COMMD8: variants seen among roughly 807,000 people sequenced by gnomAD.
COMMD8 encodes COMM domain containing 8, also known as COMM domain-containing protein 8.
A neutral mutation model predicts 27.2 loss-of-function variants in COMMD8; 28 were observed. The observed-to-expected ratio is 1.03, with a 90% CI of 0.76 to 1.41. The LOEUF (loss-of-function observed/expected upper bound fraction) is 1.41, where lower values mean the gene tolerates loss of function less well. Ranked by LOEUF, COMMD8 falls within the 40% of genes most tolerant of loss-of-function variation. The pLI is 0.00. For missense variants in COMMD8, 217 were observed against 211.2 expected (o/e 1.03, Z -0.17); for synonymous variants, 79 against 75.5 (o/e 1.05, Z -0.24).
At chr4:47,452,963 CT>C in intron 4 of COMMD8, 95 bp downstream of exon 4, 2 of 1,135,322 alleles carry the variant, frequency 1.8e-6, no homozygotes, top group Non-Finnish European at 2.5e-6. Context: ...GCCGTTGCCC[CT>C]CCAGCCTGGG....
At chr4:47,462,981 C>T (rs1378467864) in intron 1 of COMMD8, among the ~76,000 whole-genome samples, 1 of 152,218 alleles carries the variant, frequency 6.6e-6, no homozygotes, top group Non-Finnish European at 1.5e-5. Context: ...CCATTTACCT[C>T]ATCCCATCGG....
At chr4:47,452,557 C>CTAAG (rs113473245) in intron 4 of COMMD8, among the ~76,000 whole-genome samples, 50,219 of 151,826 alleles carry the variant, frequency 0.33, 8,847 homozygotes, top group African/African-American at 0.47. Context: ...ATGTTCAAAA[C>CTAAG]TAATTGAACA....
chr4:47,458,306 G>A (rs773683885), intron 2 of COMMD8, among the ~76,000 whole-genome samples: 20 of 152,102 alleles, frequency 1.3e-4, no homozygotes, highest in Non-Finnish European at 2.5e-4. Context: ...AGATGTTAAA[G>A]TTGAAAAAGA....
At position 47,455,074 on chromosome 4, in the gene COMMD8, G is replaced by A. The variant is rs376706347; in HGVS notation, c.375+1503C>T. ...TGCCCAGGCTGGAGTGAAGTGGCACGATGATCTTGGTTCACTGCAAGCTCC... is the reference window on the plus strand; with the variant it reads ...TGCCCAGGCTGGAGTGAAGTGGCACAATGATCTTGGTTCACTGCAAGCTCC... On this transcript the variant is annotated intron_variant, in intron 3 of 4. Coordinates refer to ENST00000381571, the MANE Select transcript of COMMD8 (RefSeq NM_017845.5). 1.9e-4 allele frequency among the ~76,000 whole-genome samples: 29 copies of A among 151,880 alleles called. No homozygotes were observed. The East Asian group carries it at 5.1e-3, about 27-fold the overall frequency.
At chr4:47,455,476 C>T (rs565006557) in intron 3 of COMMD8, among the ~76,000 whole-genome samples, 40 of 152,070 alleles carry the variant, frequency 2.6e-4, no homozygotes, top group Admixed American at 7.9e-4. Flanking sequence ...TAATTTTGAA[C>T]TTTGTGTCAC....
chr4:47,453,155 T>C lies in COMMD8; in HGVS notation c.435A>G (p.Leu145=), dbSNP rs754522307. The change falls in exon 4 of 5, where the codon CTA becomes CTG. Residue 145 remains leucine, a synonymous_variant. Transcript: ENST00000381571. ...TTACTTCACCATTTTCTTTTACATCTAGATGCAGGCTTAAAAGTGGCATTC... is the reference window on the plus strand; with the variant it reads ...TTACTTCACCATTTTCTTTTACATCCAGATGCAGGCTTAAAAGTGGCATTC... ...ALRMPLLSLH[L]DVKENGEVKP... 6.2e-6 allele frequency: 10 copies of C among 1,613,876 alleles called. No homozygotes were observed. Among genetic ancestry groups the C allele is most frequent in the Non-Finnish European group, 7.6e-6 (9 of 1,179,888 alleles).
chr4:47,453,235 A>G (rs971108540), intron 3 of COMMD8, 21 bp from the exon 4 acceptor site: 5 of 1,602,932 alleles, frequency 3.1e-6, no homozygotes, highest in African/African-American at 2.7e-5. Context: ...TCAGAAAAAT[A>G]GCAATTAATA....
chr4:47,454,664 T>C (rs964596435), intron 3 of COMMD8, among the ~76,000 whole-genome samples: 1 of 151,906 alleles, frequency 6.6e-6, no homozygotes, highest in Admixed American at 6.6e-5. Context: ...TCGGGAGTTC[T>C]AGACCAGCAT....
chr4:47,463,626 A>T lies in COMMD8; in HGVS notation c.26T>A (p.Leu9Ter), dbSNP rs528670794. Reference protein sequence around the residue: MEPEEGTPLWRLQKLPAEL... With the variant: MEPEEGTP ...GGCCGGCAGCTTCTGCAGCCGCCAC[A>T]AGGGCGTCCCCTCTTCCGGCTCCAT... Residue 9 changes from leucine (L) to a stop codon, truncating the protein, a stop_gained, in exon 1 of 5, where the codon TTG (leucine) becomes TAG (stop). Transcript: ENST00000381571. LOFTEE classifies it high-confidence loss of function. The T allele has an allele frequency of 3.2e-6, 5 of 1,549,034 alleles. No individual in the cohort carries two copies. The highest frequency in any genetic ancestry group is 4.4e-6 in the Non-Finnish European group (5 of 1,146,386).
intron 3 of COMMD8, among the ~76,000 whole-genome samples, chr4:47,456,262 TTATACATATATATATATATA>T (rs1239376157): frequency 1.2e-4 from 10 of 80,860 alleles, no homozygotes; most frequent in African/African-American, 4.1e-4. Flanking sequence ...AATAAATAAA[TTATACATATATATATATATA>T]TATATATATA....
At position 47,463,601 on chromosome 4, in the gene COMMD8, G is replaced by T; in HGVS notation, c.51C>A (p.Ala17=). The T allele has an allele frequency of 6.5e-7, 1 of 1,546,444 alleles. No homozygotes were observed. The highest frequency in any genetic ancestry group is 8.7e-7 in the Non-Finnish European group (1 of 1,146,144). The change falls in exon 1 of 5, where the codon GCC becomes GCA. Residue 17 remains alanine, a synonymous_variant. Transcript: ENST00000381571. ...TPLWRLQKLP[A]ELGPQLLHKI... Reference sequence around the variant, plus strand: ...CCGCCCTCACCTGCGGGCCCAGCTCGGCCGGCAGCTTCTGCAGCCGCCACA... The same window carrying T: ...CCGCCCTCACCTGCGGGCCCAGCTCTGCCGGCAGCTTCTGCAGCCGCCACA...
At chr4:47,458,728 A>G (rs1729951091) in intron 2 of COMMD8, among the ~76,000 whole-genome samples, 1 of 152,126 alleles carries the variant, frequency 6.6e-6, no homozygotes, top group Non-Finnish European at 1.5e-5. Context: ...GAAGCATGAG[A>G]ATGAAGGTCT....
intron 1 of COMMD8, among the ~76,000 whole-genome samples, chr4:47,463,257 A>G (rs1730111302): frequency 6.6e-6 from 1 of 152,134 alleles, no homozygotes. Context: ...GTAGGTAGGG[A>G]GCCTTTGGGA....
At chr4:47,463,493 G>T in intron 1 of COMMD8, 93 bp downstream of exon 1, 1 of 1,225,676 alleles carries the variant, frequency 8.2e-7, no homozygotes, top group Non-Finnish European at 1.1e-6. Flanking sequence ...TAGGGAGCTT[G>T]CGAAGGCGTC....
chr4:47,455,782 A>G (rs1729871012), intron 3 of COMMD8, among the ~76,000 whole-genome samples: 1 of 152,226 alleles, frequency 6.6e-6, no homozygotes, highest in Non-Finnish European at 1.5e-5. Context: ...TAGGTATCTT[A>G]TAAGGACAAA....
chr4:47,458,008 A>T (rs1193054270), intron 2 of COMMD8, among the ~76,000 whole-genome samples: 1 of 152,094 alleles, frequency 6.6e-6, no homozygotes, highest in African/African-American at 2.4e-5. Context: ...TTCAAAAATC[A>T]CATGAACAAA....
chr4:47,463,597 G>A lies in COMMD8; in HGVS notation c.55C>T (p.Leu19=). 1 of 1,545,992 alleles carries A rather than the reference G, an allele frequency of 6.5e-7. No homozygotes were observed. The highest frequency in any genetic ancestry group is 2.4e-5 in the East Asian group (1 of 40,826). The change falls in exon 1 of 5, where the codon CTG becomes TTG. Residue 19 remains leucine, a synonymous_variant. Transcript: ENST00000381571. ...LWRLQKLPAE[L]GPQLLHKIID... is the part of the protein sequence containing the mutation. ...GTACCCGCCCTCACCTGCGGGCCCAGCTCGGCCGGCAGCTTCTGCAGCCGC... is the reference window on the plus strand; with the variant it reads ...GTACCCGCCCTCACCTGCGGGCCCAACTCGGCCGGCAGCTTCTGCAGCCGC...
Position 47,459,880 on chromosome 4 carries a change from C to A in COMMD8, c.222+264G>T, listed in dbSNP as rs561334754. 349 of 288,048 alleles carry A rather than the reference C, an allele frequency of 1.2e-3. 1 individual carries two copies. The highest frequency in any genetic ancestry group is 6.8e-3 in the African/African-American group (310 of 45,412). 17.8% of individuals were successfully genotyped at this position (288,048 alleles called of 1,614,324 possible). A position where few individuals can be genotyped will look rare whatever the true frequency, so the allele number is the denominator to read the frequency against. On this transcript the variant is annotated intron_variant, in intron 2 of 4. Transcript: ENST00000381571. ...ACACACACATTGCAAAATGTTAACACCTGTTTAACTGGTAATGTGAATGTA... is the reference window on the plus strand; with the variant it reads ...ACACACACATTGCAAAATGTTAACAACTGTTTAACTGGTAATGTGAATGTA...
At position 47,463,697 on chromosome 4, in the gene COMMD8, T is replaced by C. The variant is rs892927025; in HGVS notation, c.-46A>G. On this transcript the variant is annotated 5_prime_UTR_variant, in exon 1 of 5. Transcript: ENST00000381571. ...TGGGTCACGTGTCAAGGCTGGCCGC[T>C]TGTCTAAAGCTACGACTCGCCCACG... is the stretch of plus-strand genomic sequence containing the variant. The C allele has an allele frequency of 1.2e-4, 183 of 1,515,496 alleles. No homozygotes were observed. Among genetic ancestry groups the C allele is most frequent in the East Asian group, 6.1e-4 (24 of 39,398 alleles). The allele number at this position is 1,515,496 out of a possible 1,614,324, so 93.9% of individuals were successfully genotyped here.
Sources: gnomAD v4.1 joint callset for allele counts (sites outside exome capture counted in the v4.1 genomes callset) on GRCh38, gnomAD v4.1.1 for gene constraint, MANE v1.5 for transcripts, NCBI Gene and HGNC (gene_info 2026-07-23, HGNC 2026-07-21) for gene names.